The following KLHL32 variants were observed in gnomAD, a reference collection of about 807,000 sequenced individuals.
KLHL32 encodes kelch like family member 32.
In KLHL32, 35 loss-of-function variants were observed where a neutral mutation model predicts 64.8. That is an observed-to-expected ratio of 0.54 (90% CI 0.41 to 0.72). The LOEUF (loss-of-function observed/expected upper bound fraction) is 0.72. Ranked by LOEUF, KLHL32 falls within the 30% of genes least tolerant of loss-of-function variation. The pLI is 0.00. For missense variants in KLHL32, 589 were observed against 768.5 expected (o/e 0.77, Z 2.76); for synonymous variants, 259 against 281.0 (o/e 0.92, Z 0.78).
intron 1 of KLHL32, among the ~76,000 whole-genome samples, chr6:96,943,977 T>A (rs6917254): frequency 0.22 from 33,803 of 152,148 alleles, 3,957 homozygotes; most frequent in Admixed American, 0.27. Context: ...AGGACATTAA[T>A]TCCTTCTCAA....
chr6:96,984,763 T>C (rs1056260365), intron 3 of KLHL32, among the ~76,000 whole-genome samples: 5 of 152,336 alleles, frequency 3.3e-5, no homozygotes, highest in African/African-American at 1.2e-4. Context: ...AGCCTATGTG[T>C]GTCTCTGCAC....
Position 97,139,586 on chromosome 6 carries a change from TAAGAC to T in KLHL32, c.*307_*311del. The T allele has an allele frequency of 4.3e-6, 1 of 234,290 alleles. No individual in the cohort carries two copies. The highest frequency in any genetic ancestry group is 1.1e-4 in the East Asian group (1 of 9,486). 14.5% of individuals were successfully genotyped at this position (234,290 alleles called of 1,614,324 possible). The stretch of plus-strand genomic sequence containing the variant: ...ACACTTTTTCTAATCAGCACTGTCT[TAAGAC>T]AACATAACACTGTTAGTAAGGCAAT... On this transcript the variant is annotated 3_prime_UTR_variant, in exon 11 of 11. Transcript: ENST00000369261.
intron 3 of KLHL32, among the ~76,000 whole-genome samples, chr6:96,987,771 C>T (rs1018016465): frequency 3.3e-5 from 5 of 152,204 alleles, no homozygotes; most frequent in East Asian, 1.9e-4. Flanking sequence ...ACCAATGGAA[C>T]AGAACAGAGC....
chr6:97,128,513 A>C (rs1169945613), intron 8 of KLHL32, among the ~76,000 whole-genome samples: 3 of 152,210 alleles, frequency 2.0e-5, no homozygotes, highest in Non-Finnish European at 4.4e-5. Flanking sequence ...CTGCTGGCAT[A>C]TTGTTTACGG....
intron 1 of KLHL32, among the ~76,000 whole-genome samples, chr6:96,956,602 T>G (rs778065056): frequency 1.3e-5 from 2 of 152,202 alleles, no homozygotes; most frequent in Admixed American, 1.3e-4. Context: ...CACATGCCTC[T>G]CCTTTGGTAG....
At chr6:97,121,270 G>A (rs2128216357) in intron 7 of KLHL32, among the ~76,000 whole-genome samples, 1 of 152,256 alleles carries the variant, frequency 6.6e-6, no homozygotes, top group East Asian at 1.9e-4. Flanking sequence ...CAGGTTACCA[G>A]TTGTTTATCA....
chr6:97,035,042 C>A (rs1629523), intron 3 of KLHL32, among the ~76,000 whole-genome samples: 1 of 151,762 alleles, frequency 6.6e-6, no homozygotes, highest in Non-Finnish European at 1.5e-5. Context: ...TGAATAAAAG[C>A]GGTCTCTCGT....
chr6:96,912,632 G>T, the KLHL32 span, among the ~76,000 whole-genome samples: 19 of 152,216 alleles, frequency 1.2e-4, no homozygotes, highest in South Asian at 3.1e-3. Context: ...CTCCATGAAT[G>T]TTACAAAAAC....
At chr6:96,906,998 G>A in the KLHL32 span, among the ~76,000 whole-genome samples, 1 of 152,104 alleles carries the variant, frequency 6.6e-6, no homozygotes, top group Admixed American at 6.6e-5. Flanking sequence ...AGTATGTGAA[G>A]TTCCCATTTT....
chr6:97,135,299 A>ATTTTTTTT, intron 10 of KLHL32, among the ~76,000 whole-genome samples: 1 of 109,566 alleles, frequency 9.1e-6, no homozygotes, highest in Non-Finnish European at 1.8e-5. Context: ...AAATTTGTTA[A>ATTTTTTTT]TTTTTTTTTT....
intron 1 of KLHL32, among the ~76,000 whole-genome samples, chr6:96,935,088 T>C (rs917549314): frequency 6.6e-6 from 1 of 151,954 alleles, no homozygotes; most frequent in African/African-American, 2.4e-5. Context: ...CATAAATGAA[T>C]TGCCGACATC....
chr6:96,985,552 T>C (rs1776918316), intron 3 of KLHL32, among the ~76,000 whole-genome samples: 3 of 152,338 alleles, frequency 2.0e-5, no homozygotes, highest in Non-Finnish European at 4.4e-5. Context: ...CCCATATTTC[T>C]TGGAGGCTTT....
intron 4 of KLHL32, among the ~76,000 whole-genome samples, chr6:97,046,849 A>G (rs1240943276): frequency 6.6e-6 from 1 of 152,220 alleles, no homozygotes; most frequent in East Asian, 1.9e-4. Context: ...ATTCACTGAC[A>G]TGTAGTCTTT....
Position 96,976,030 on chromosome 6 carries a change from C to A in KLHL32, c.57C>A (p.Cys19Ter). 6.3e-7 allele frequency: 1 copy of A among 1,592,096 alleles called. No individual in the cohort carries two copies. Among genetic ancestry groups the A allele is most frequent in the Non-Finnish European group, 8.6e-7 (1 of 1,164,278 alleles). Residue 19 changes from cysteine to a stop codon, truncating the protein, a stop_gained, in exon 3 of 11, where the codon TGC becomes TGA. Coordinates refer to ENST00000369261, the MANE Select transcript of KLHL32 (RefSeq NM_052904.4). LOFTEE classifies it high-confidence loss of function. ...IQEMLTGQRL[C>*]HSESHNDSVL... ...AAATGCTGACAGGCCAGAGGCTCTG[C>A]CACTCCGAATCTCACAATGACAGTG...
intron 6 of KLHL32, among the ~76,000 whole-genome samples, chr6:97,099,116 C>T (rs1002822481): frequency 6.6e-6 from 1 of 152,170 alleles, no homozygotes; most frequent in African/African-American, 2.4e-5. Context: ...CTGAGTTTCC[C>T]CACGTCTGTA....
intron 4 of KLHL32, among the ~76,000 whole-genome samples, chr6:97,055,815 A>AAAAAAAAAAAAAC (rs1787759522): frequency 6.7e-6 from 1 of 148,316 alleles, no homozygotes; most frequent in African/African-American, 2.5e-5. Context: ...AAAAAAAAAA[A>AAAAAAAAAAAAAC]AAAAAAACCC....
chr6:96,924,367 C>T (rs545958268), upstream of KLHL32, among the ~76,000 whole-genome samples: 1 of 151,980 alleles, frequency 6.6e-6, no homozygotes, highest in South Asian at 2.1e-4. Context: ...GCGCATGTGA[C>T]CCAGGGGCCG....
the KLHL32 span, among the ~76,000 whole-genome samples, chr6:96,913,180 C>T: frequency 1.7e-3 from 255 of 152,148 alleles, 1 homozygote; most frequent in African/African-American, 5.7e-3. Context: ...CAGTACTGTC[C>T]AGTTTAGGTA....
intron 4 of KLHL32, among the ~76,000 whole-genome samples, chr6:97,056,250 C>A (rs190186385): frequency 6.6e-6 from 1 of 151,698 alleles, no homozygotes; most frequent in African/African-American, 2.4e-5. Context: ...GGACTACAGG[C>A]GCCCGCCACC....
Sources: allele counts gnomAD v4.1 joint callset (sites outside exome capture counted in the v4.1 genomes callset), GRCh38; gene constraint gnomAD v4.1.1; transcripts MANE v1.5; gene names NCBI Gene and HGNC (gene_info 2026-07-23, HGNC 2026-07-21).